Variants in LUC7L2 observed in about 807,000 individuals in gnomAD.
LUC7L2 encodes the protein putative RNA-binding protein Luc7-like 2.
A neutral mutation model predicts 52.8 loss-of-function variants in LUC7L2; 25 were observed. The ratio of observed to expected loss-of-function variants is 0.47; its 90% CI spans 0.34 to 0.66. LUC7L2 has a LOEUF of 0.66. Among genes scored for constraint, LUC7L2 ranks in the 30% least tolerant of loss-of-function variants. LUC7L2 has a pLI of 0.01. For synonymous variants in LUC7L2, 144 were observed against 160.9 expected (o/e 0.89, Z 0.80); for missense variants, 328 against 497.8 (o/e 0.66, Z 3.25).
upstream of LUC7L2, among the ~76,000 whole-genome samples, chr7:139,357,667 A>C (rs1201771653): frequency 6.6e-6 from 1 of 151,604 alleles, no homozygotes; most frequent in African/African-American, 2.4e-5. Context: ...TATTTTGTGT[A>C]TTACTAAAGA....
At chr7:139,364,014 C>G (rs1466883251) in intron 1 of LUC7L2, among the ~76,000 whole-genome samples, 2 of 97,736 alleles carry the variant, frequency 2.0e-5, no homozygotes, top group Non-Finnish European at 3.6e-5. Flanking sequence ...GAGACAGGGT[C>G]TCTGTTGCCC....
At chr7:139,406,337 C>G (rs896080603) in intron 5 of LUC7L2, among the ~76,000 whole-genome samples, 2 of 149,766 alleles carry the variant, frequency 1.3e-5, no homozygotes, top group Non-Finnish European at 3.0e-5. Context: ...CAGGCATGAA[C>G]CACTGCACCA....
chr7:139,372,592 A>G (rs1044554492), intron 1 of LUC7L2, among the ~76,000 whole-genome samples: 5 of 151,984 alleles, frequency 3.3e-5, no homozygotes, highest in African/African-American at 4.8e-5. Flanking sequence ...CCTAATTGAA[A>G]CACACATTTG....
chr7:139,406,900 T>A (rs917289233), intron 5 of LUC7L2, among the ~76,000 whole-genome samples: 1 of 151,964 alleles, frequency 6.6e-6, no homozygotes, highest in African/African-American at 2.4e-5. Context: ...TCTGTTCATG[T>A]TTATTATTTC....
rs1406168099 is a variant in LUC7L2, at chr7:139,405,651, G to A, written c.374G>A (p.Arg125His). The change falls in exon 5 of 10, where the codon CGT (arginine) becomes CAT (histidine). Residue 125 changes from arginine (R) to histidine (H), a missense_variant. Physicochemically the swap from Arg to His is conservative, Grantham distance 29. This residue lies in a region of LUC7L2 where 133 missense variants were observed against 274.4 expected (regional missense o/e 0.48). Coordinates refer to ENST00000354926, the MANE Select transcript of LUC7L2 (RefSeq NM_016019.5). ...TTTTTTATTTCTTTTTAGGCAGAAC[G>A]TGTTCATGAGTTAAATGAAGAAATT... ...ISAEVAAKAE[R>H]VHELNEEIGK... The A allele has an allele frequency of 1.3e-6, 2 of 1,598,298 alleles. No homozygotes were observed. The highest frequency in any genetic ancestry group is 2.2e-5 in the East Asian group (1 of 44,470).
intron 2 of LUC7L2, among the ~76,000 whole-genome samples, chr7:139,396,706 G>A (rs926586501): frequency 2.0e-5 from 3 of 152,106 alleles, no homozygotes; most frequent in Admixed American, 1.3e-4. Context: ...GCAGTGGTTT[G>A]CTTTTAAAAC....
intron 2 of LUC7L2, among the ~76,000 whole-genome samples, chr7:139,386,497 C>T (rs752116807): frequency 6.0e-5 from 9 of 151,204 alleles, no homozygotes; most frequent in Non-Finnish European, 7.4e-5. Flanking sequence ...CTCCGCCTCC[C>T]GGGTTCACAC....
chr7:139,422,072 C>A (rs763745547), intron 9 of LUC7L2, 91 bp from the exon 10 acceptor site: 2 of 1,475,364 alleles, frequency 1.4e-6, no homozygotes, highest in African/African-American at 1.4e-5. Context: ...TATATATCTT[C>A]AGCTATCAAG....
intron 2 of LUC7L2, among the ~76,000 whole-genome samples, chr7:139,394,676 A>G (rs1005322360): frequency 1.3e-5 from 2 of 152,214 alleles, no homozygotes; most frequent in Admixed American, 1.3e-4. Flanking sequence ...TACGGAAGAA[A>G]GGAAGTAGAC....
chr7:139,421,823 T>C (rs2116363168), intron 9 of LUC7L2, among the ~76,000 whole-genome samples: 1 of 152,356 alleles, frequency 6.6e-6, no homozygotes, highest in African/African-American at 2.4e-5. Flanking sequence ...GATAATACAT[T>C]TCTTTCACTT....
At chr7:139,399,023 T>C (rs1171007257) in intron 3 of LUC7L2, among the ~76,000 whole-genome samples, 1 of 152,164 alleles carries the variant, frequency 6.6e-6, no homozygotes, top group Non-Finnish European at 1.5e-5. Flanking sequence ...GACCTATCTT[T>C]AGTAATATAC....
rs1799772030 is a variant in LUC7L2, at chr7:139,359,919, C to T, written c.-343C>T. 7.2e-6 allele frequency: 3 copies of T among 416,226 alleles called. No individual in the cohort carries two copies. Among genetic ancestry groups the T allele is most frequent in the Non-Finnish European group, 8.5e-6 (2 of 234,984 alleles). The allele number at this position is 416,226 out of a possible 1,614,324, so 25.8% of individuals were successfully genotyped here. Reference sequence around the variant, plus strand: ...GCTCCCGTCGTGGCGACGGTGGCGGCGAGCGGCGTCAGAGCTTGAGGGGGG... The same window carrying T: ...GCTCCCGTCGTGGCGACGGTGGCGGTGAGCGGCGTCAGAGCTTGAGGGGGG... On this transcript the variant is annotated 5_prime_UTR_variant, in exon 1 of 10. Coordinates refer to ENST00000354926, the MANE Select transcript of LUC7L2 (RefSeq NM_016019.5).
At chr7:139,417,246 G>T (rs1302478575) in intron 8 of LUC7L2, 2 of 295,418 alleles carry the variant, frequency 6.8e-6, no homozygotes, top group African/African-American at 2.1e-5. Flanking sequence ...TCGCCATGTT[G>T]CCTAGGCTGG....
At chr7:139,395,764 C>T (rs769716326) in intron 2 of LUC7L2, among the ~76,000 whole-genome samples, 2 of 152,160 alleles carry the variant, frequency 1.3e-5, no homozygotes, top group Non-Finnish European at 2.9e-5. Context: ...CCTCTGTCTC[C>T]TCAGGAGCTG....
At chr7:139,396,776 G>T (rs56088209) in intron 2 of LUC7L2, among the ~76,000 whole-genome samples, 3,009 of 152,204 alleles carry the variant, frequency 0.02, 34 homozygotes, top group South Asian at 0.051. Context: ...GTTAGTTTTA[G>T]ACAATATAGA....
intron 8 of LUC7L2, chr7:139,416,066 TATATATATA>T (rs1795595933): frequency 2.0e-5 from 1 of 50,562 alleles, no homozygotes; most frequent in African/African-American, 4.5e-4. Context: ...TATATATATA[TATATATATA>T]TATATATATA....
chr7:139,353,494 T>C (rs1357593131), intron 1 of LUC7L2, among the ~76,000 whole-genome samples: 2 of 152,188 alleles, frequency 1.3e-5, no homozygotes, highest in East Asian at 3.9e-4. Context: ...GACATAGACA[T>C]ACAGAGATTT....
At chr7:139,412,603 G>A (rs1315678423) in intron 8 of LUC7L2, 23 bp downstream of exon 8, 3 of 1,587,100 alleles carry the variant, frequency 1.9e-6, no homozygotes, top group Non-Finnish European at 2.6e-6. Context: ...CATAAGACAG[G>A]TATAAGTAGT....
chr7:139,401,310 A>AT (rs1210626894), intron 3 of LUC7L2, among the ~76,000 whole-genome samples: 4 of 152,166 alleles, frequency 2.6e-5, no homozygotes, highest in African/African-American at 9.6e-5. Flanking sequence ...ATAGTTTTCC[A>AT]TTTTTTCTGT....
Sources: gnomAD v4.1 joint callset for allele counts (sites outside exome capture counted in the v4.1 genomes callset) on GRCh38, gnomAD v4.1.1 for gene constraint, gnomAD v4.1.1 regional missense constraint, MANE v1.5 for transcripts, NCBI Gene and HGNC (gene_info 2026-07-23, HGNC 2026-07-21) for gene names.